EXOC4: variants seen among roughly 807,000 people sequenced by gnomAD.
The protein encoded by EXOC4 is exocyst complex component 4, also known as SEC8-like 1.
Under a neutral mutation model 107.2 loss-of-function variants are expected in EXOC4, and 71 were observed. The ratio of observed to expected loss-of-function variants is 0.66; its 90% confidence interval spans 0.55 to 0.81. EXOC4 has a LOEUF of 0.81. EXOC4 is among the 30% of genes least tolerant of loss of function. The pLI, the probability that EXOC4 is intolerant of heterozygous loss-of-function variation, is 0.00. For synonymous variants in EXOC4, 456 were observed against 441.2 expected (o/e 1.03, Z -0.42); for missense variants, 1,108 against 1,189.6 (o/e 0.93, Z 1.01).
intron 10 of EXOC4, among the ~76,000 whole-genome samples, chr7:133,815,244 G>A (rs994054169): frequency 1.3e-5 from 2 of 151,908 alleles, no homozygotes; most frequent in East Asian, 1.9e-4. Context: ...AGCTGGGCGT[G>A]GTGGTGCACA....
chr7:133,970,502 G>A (rs888383036), intron 14 of EXOC4, among the ~76,000 whole-genome samples: 7 of 152,074 alleles, frequency 4.6e-5, no homozygotes, highest in African/African-American at 1.4e-4. Flanking sequence ...CTCCTGGTCT[G>A]CAGGTTGCAA....
chr7:134,041,863 C>G (rs1214076763), intron 17 of EXOC4, among the ~76,000 whole-genome samples: 2 of 152,152 alleles, frequency 1.3e-5, no homozygotes, highest in Non-Finnish European at 2.9e-5. Flanking sequence ...TAATTACTCT[C>G]TATCTTTGTG....
chr7:133,879,606 T>C (rs570113558), intron 11 of EXOC4, among the ~76,000 whole-genome samples: 1 of 152,322 alleles, frequency 6.6e-6, no homozygotes, highest in South Asian at 2.1e-4. Flanking sequence ...TCTCTCTTCA[T>C]TGATTTTTCA....
intron 6 of EXOC4, among the ~76,000 whole-genome samples, chr7:133,363,929 A>G (rs1563036221): frequency 1.3e-5 from 2 of 152,152 alleles, no homozygotes; most frequent in Non-Finnish European, 2.9e-5. Flanking sequence ...TCTTACGTTG[A>G]TGATGTGTAG....
intron 5 of EXOC4, among the ~76,000 whole-genome samples, chr7:133,356,035 A>G (rs1796013227): frequency 6.6e-6 from 1 of 152,164 alleles, no homozygotes; most frequent in African/African-American, 2.4e-5. Context: ...AATAAATGTC[A>G]TGAGCCAGTG....
At chr7:133,893,824 G>T (rs1344198581) in intron 11 of EXOC4, among the ~76,000 whole-genome samples, 1 of 62,708 alleles carries the variant, frequency 1.6e-5, no homozygotes, top group Non-Finnish European at 2.7e-5. Context: ...TTCCCTTTGA[G>T]GGTAACCCGA....
intron 7 of EXOC4, among the ~76,000 whole-genome samples, chr7:133,392,790 TAA>T (rs1300470055): frequency 1.3e-5 from 2 of 152,224 alleles, no homozygotes; most frequent in Non-Finnish European, 2.9e-5. Flanking sequence ...AATGCAAATT[TAA>T]TTTCAGGTTC....
chr7:133,604,706 C>CTTTTTTTTTTTTTTT lies in EXOC4; in HGVS notation c.1418-25336_1418-25335insTTTTTTTTTTTTTTT, dbSNP rs1554477961. On this transcript the variant is annotated intron_variant, in intron 9 of 17. Coordinates refer to ENST00000253861, the MANE Select transcript of EXOC4 (RefSeq NM_021807.4). Reference sequence around the variant, plus strand: ...TTTTTCTTTCCTTCCTTCCTTCCTTCTTTCTTTTTTTTTTTTTTTTTTTTT... The same window carrying CTTTTTTTTTTTTTTT: ...TTTTTCTTTCCTTCCTTCCTTCCTTCTTTTTTTTTTTTTTTTTTCTTTTTTTTTTTTTTTTTTTTT... Among the ~76,000 whole-genome samples, 283 of 87,486 alleles carry CTTTTTTTTTTTTTTT rather than the reference C, an allele frequency of 3.2e-3. 48 individuals carry two copies. The highest frequency in any genetic ancestry group is 4.6e-3 in the Non-Finnish European group (201 of 44,008). The allele number at this position is 87,486 out of a possible 152,430, so 57.4% of individuals were successfully genotyped here.
chr7:133,343,886 T>C (rs993201666), intron 5 of EXOC4, among the ~76,000 whole-genome samples: 4 of 151,992 alleles, frequency 2.6e-5, no homozygotes, highest in East Asian at 3.9e-4. Flanking sequence ...CAATCATACC[T>C]CTCTGCAGCC....
intron 10 of EXOC4, among the ~76,000 whole-genome samples, chr7:133,804,360 TGGCTACTTTTTTCTTAG>T (rs1297065577): frequency 6.6e-6 from 1 of 152,188 alleles, no homozygotes; most frequent in African/African-American, 2.4e-5. Flanking sequence ...ATATCATTAG[TGGCTACTTTTTTCTTAG>T]GGCACTGTGC....
intron 7 of EXOC4, among the ~76,000 whole-genome samples, chr7:133,408,320 G>A (rs1474273284): frequency 6.6e-6 from 1 of 151,408 alleles, no homozygotes; most frequent in Non-Finnish European, 1.5e-5. Flanking sequence ...GGGGATGATA[G>A]AGCTGGGGAT....
At chr7:133,306,425 C>T (rs1324532304) in intron 4 of EXOC4, among the ~76,000 whole-genome samples, 1 of 152,060 alleles carries the variant, frequency 6.6e-6, no homozygotes, top group South Asian at 2.1e-4. Context: ...TGGCTGGGTG[C>T]AGTGGCTTAT....
At chr7:133,777,921 A>G (rs989646210) in intron 10 of EXOC4, among the ~76,000 whole-genome samples, 1 of 152,210 alleles carries the variant, frequency 6.6e-6, no homozygotes, top group Non-Finnish European at 1.5e-5. Context: ...TACTTTACCC[A>G]GGTAATAGTC....
chr7:133,295,287 G>T (rs1794493064), intron 3 of EXOC4, among the ~76,000 whole-genome samples: 1 of 151,964 alleles, frequency 6.6e-6, no homozygotes, highest in East Asian at 1.9e-4. Context: ...GGGTGGATAG[G>T]GTTTTTCTCA....
intron 10 of EXOC4, among the ~76,000 whole-genome samples, chr7:133,813,734 A>G (rs975004451): frequency 1.3e-5 from 2 of 152,170 alleles, no homozygotes; most frequent in African/African-American, 4.8e-5. Flanking sequence ...TCACATTGAT[A>G]ACATCAGTTA....
intron 8 of EXOC4, among the ~76,000 whole-genome samples, chr7:133,477,827 AG>A (rs1799055068): frequency 6.6e-6 from 1 of 152,212 alleles, no homozygotes; most frequent in African/African-American, 2.4e-5. Context: ...AAAACTCTTC[AG>A]CAAGTTCCTA....
chr7:133,988,392 C>G (rs1471440826), intron 14 of EXOC4, among the ~76,000 whole-genome samples: 1 of 152,090 alleles, frequency 6.6e-6, no homozygotes, highest in Non-Finnish European at 1.5e-5. Flanking sequence ...TTTTCTTTAA[C>G]AATCTGTTAT....
intron 7 of EXOC4, among the ~76,000 whole-genome samples, chr7:133,380,962 CT>C (rs1443261819): frequency 6.6e-6 from 1 of 152,148 alleles, no homozygotes; most frequent in Non-Finnish European, 1.5e-5. Context: ...TCTTTCCGCA[CT>C]TTTCTTCGCC....
At position 133,323,439 on chromosome 7, in the gene EXOC4, C is replaced by A. The variant is rs898212519; in HGVS notation, c.763+6049C>A. On this transcript the variant is annotated intron_variant, in intron 5 of 17. Coordinates refer to ENST00000253861, the MANE Select transcript of EXOC4 (RefSeq NM_021807.4). The stretch of plus-strand genomic sequence containing the variant: ...AGCGTAAAGGGGTGTTGAATTTTGT[C>A]AAAGGCCTTTCTGGATCTATTGAGA... 1.3e-5 allele frequency among the ~76,000 whole-genome samples: 2 copies of A among 152,052 alleles called. 1 individual carries two copies. Among genetic ancestry groups the A allele is most frequent in the Admixed American group, 1.3e-4 (2 of 15,260 alleles).
Sources: gnomAD v4.1 joint callset for allele counts (sites outside exome capture counted in the v4.1 genomes callset) on GRCh38, gnomAD v4.1.1 for gene constraint, MANE v1.5 for transcripts, NCBI Gene and HGNC (gene_info 2026-07-23, HGNC 2026-07-21) for gene names.